Variants in NAPB observed in about 807,000 individuals in gnomAD.
NAPB encodes the protein NSF attachment protein beta.
A neutral mutation model predicts 44.7 loss-of-function variants in NAPB; 26 were observed. The ratio of observed to expected loss-of-function variants is 0.58; its 90% CI spans 0.43 to 0.81. The LOEUF is 0.81. Among genes scored for constraint, NAPB ranks in the 30% least tolerant of loss-of-function variants. NAPB has a pLI of 0.00. For missense variants in NAPB, 315 were observed against 356.4 expected, an observed-to-expected ratio of 0.88 and a Z score of 0.94; for synonymous variants, 120 against 116.8, an observed-to-expected ratio of 1.03 and a Z score of -0.18.
intron 8 of NAPB, 148 bp from the exon 9 acceptor site, chr20:23,380,083 A>T (rs1448508648): frequency 3.4e-6 from 2 of 586,900 alleles, no homozygotes; most frequent in Non-Finnish European, 5.9e-6. Flanking sequence ...CAACATAGAA[A>T]ATCTTTCTAT....
intron 1 of NAPB, among the ~76,000 whole-genome samples, chr20:23,416,136 C>G (rs891532981): frequency 1.3e-5 from 2 of 152,150 alleles, no homozygotes; most frequent in African/African-American, 2.4e-5. Context: ...CTAACGCATG[C>G]CTCAGGCTGG....
At chr20:23,377,844 A>G (rs1313110420) in intron 10 of NAPB, among the ~76,000 whole-genome samples, 1 of 152,238 alleles carries the variant, frequency 6.6e-6, no homozygotes, top group African/African-American at 2.4e-5. Context: ...GGAAAACATT[A>G]ATTACAGAGT....
In NAPB at chr20:23,403,448, C is replaced by G. The variant is rs566397673; in HGVS notation, c.99-376G>C. Among the ~76,000 whole-genome samples, 7 of 152,178 alleles carry G rather than the reference C, an allele frequency of 4.6e-5. No individual in the cohort carries two copies. In the East Asian group the frequency reaches 1.4e-3, roughly 29 times the overall value. On this transcript the variant is annotated intron_variant, in intron 1 of 10. Transcript: ENST00000377026. ...TGAAACCCCATCCCTACTGAAAATACAAAAATTAGCTGGGTGTGGTGGCAT... is the reference window on the plus strand; with the variant it reads ...TGAAACCCCATCCCTACTGAAAATAGAAAAATTAGCTGGGTGTGGTGGCAT...
In NAPB at chr20:23,403,124, C is replaced by G. The variant is rs116121553; in HGVS notation, c.99-52G>C. ...TTAACAACCATCCACATCTCTAATT[C>G]TCCCTCCCTCAAATGATTAACATTT... On this transcript the variant is annotated intron_variant, in intron 1 of 10. Coordinates refer to ENST00000377026, the MANE Select transcript of NAPB (RefSeq NM_022080.3). 2.3e-6 allele frequency: 3 copies of G among 1,282,748 alleles called. No individual in the cohort carries two copies. In the East Asian group the frequency reaches 7.0e-5, roughly 30 times the overall value. 79.5% of individuals were successfully genotyped at this position (1,282,748 alleles called of 1,614,324 possible).
intron 7 of NAPB, among the ~76,000 whole-genome samples, chr20:23,385,386 C>T (rs988019768): frequency 6.6e-6 from 1 of 152,114 alleles, no homozygotes; most frequent in African/African-American, 2.4e-5. Context: ...AAGACTGACA[C>T]AATGAAAGAA....
intron 5 of NAPB, among the ~76,000 whole-genome samples, chr20:23,392,146 G>GCC (rs1984006341): frequency 6.6e-6 from 1 of 152,030 alleles, no homozygotes; most frequent in East Asian, 1.9e-4. Flanking sequence ...ATGGTGAGCG[G>GCC]AACAGTCATG....
At chr20:23,394,383 GT>G (rs1568610687) in intron 5 of NAPB, among the ~76,000 whole-genome samples, 2 of 152,336 alleles carry the variant, frequency 1.3e-5, no homozygotes, top group African/African-American at 4.8e-5. Flanking sequence ...GAAGCCTGTA[GT>G]TTAGCGGGGA....
At chr20:23,401,920 A>G (rs968517203) in intron 2 of NAPB, among the ~76,000 whole-genome samples, 5 of 152,194 alleles carry the variant, frequency 3.3e-5, no homozygotes, top group African/African-American at 1.2e-4. Flanking sequence ...AAGTAAATAA[A>G]TAAGTAAGTA....
chr20:23,391,081 G>A (rs752535429), intron 5 of NAPB, among the ~76,000 whole-genome samples: 2 of 152,176 alleles, frequency 1.3e-5, no homozygotes, highest in Non-Finnish European at 2.9e-5. Context: ...TTTGGAGGCC[G>A]AGGAGGGTGG....
chr20:23,384,226 T>C (rs1310366482), intron 7 of NAPB, among the ~76,000 whole-genome samples: 1 of 152,158 alleles, frequency 6.6e-6, no homozygotes, highest in Non-Finnish European at 1.5e-5. Flanking sequence ...CTGGAACTAA[T>C]CCCCTGTAGA....
intron 1 of NAPB, among the ~76,000 whole-genome samples, chr20:23,417,478 A>C (rs556005559): frequency 6.6e-6 from 1 of 152,300 alleles, no homozygotes; most frequent in African/African-American, 2.4e-5. Context: ...ATAGTATTAT[A>C]AGAGGCTTTT....
rs1036357602 is a variant in NAPB, at chr20:23,402,209, C to T, written c.178+784G>A. On this transcript the variant is annotated intron_variant, in intron 2 of 10. Coordinates refer to ENST00000377026, the MANE Select transcript of NAPB (RefSeq NM_022080.3). The stretch of plus-strand genomic sequence containing the variant: ...CTGCCTTGAAACAGCTTGTAGAGGG[C>T]GAGTCCCACTTCCAATCCCACAGCA... Among the ~76,000 whole-genome samples, 5 of 152,188 alleles carry T rather than the reference C, an allele frequency of 3.3e-5. No individual in the cohort carries two copies. In the East Asian group the frequency reaches 7.7e-4, roughly 24 times the overall value.
Position 23,397,157 on chromosome 20 carries a change from C to T in NAPB, c.210G>A (p.Lys70=), listed in dbSNP as rs1279267121. ...AAGNAFCQAA[K]LHMQLQSKHD... ...GTTTGCTCTGAAGCTGCATGTGGAG[C>T]TTGGCTGCCTGACAAAATGCGTTTC... The change falls in exon 3 of 11, where the codon AAG becomes AAA. Residue 70 remains lysine, a synonymous_variant. Transcript: ENST00000377026. The T allele has an allele frequency of 3.1e-6, 5 of 1,612,812 alleles. No individual in the cohort carries two copies. Among genetic ancestry groups the T allele is most frequent in the Middle Eastern group, 1.7e-4 (1 of 6,044 alleles).
intron 1 of NAPB, among the ~76,000 whole-genome samples, chr20:23,406,601 C>G (rs995560275): frequency 6.6e-6 from 1 of 151,846 alleles, no homozygotes; most frequent in Non-Finnish European, 1.5e-5. Context: ...TTCTCTCACA[C>G]CTTCATGTCC....
chr20:23,391,441 G>T (rs1214120547), intron 5 of NAPB, among the ~76,000 whole-genome samples: 1 of 152,222 alleles, frequency 6.6e-6, no homozygotes, highest in East Asian at 1.9e-4. Flanking sequence ...ACTCTGCAAA[G>T]AATCAGCTGG....
At chr20:23,392,518 T>C (rs1467524672) in intron 5 of NAPB, among the ~76,000 whole-genome samples, 1 of 151,868 alleles carries the variant, frequency 6.6e-6, no homozygotes, top group East Asian at 1.9e-4. Flanking sequence ...ATTAAAAAAT[T>C]AGCCGGGCAT....
intron 1 of NAPB, among the ~76,000 whole-genome samples, chr20:23,410,590 G>T (rs1985584111): frequency 6.6e-6 from 1 of 152,150 alleles, no homozygotes; most frequent in Admixed American, 6.5e-5. Flanking sequence ...ACTATGCTCA[G>T]TATCTGGGTG....
chr20:23,386,059 C>T (rs779160267), intron 7 of NAPB, among the ~76,000 whole-genome samples: 7 of 151,990 alleles, frequency 4.6e-5, no homozygotes, highest in Non-Finnish European at 1.0e-4. Context: ...TTAAATAAAA[C>T]ACTACTAAAT....
At chr20:23,400,238 T>C (rs1272088681) in intron 2 of NAPB, among the ~76,000 whole-genome samples, 4 of 152,196 alleles carry the variant, frequency 2.6e-5, no homozygotes, top group African/African-American at 7.2e-5. Flanking sequence ...CTTGGAAGTG[T>C]TGGGCCGGGC....
Sources: gnomAD v4.1 joint callset for allele counts (sites outside exome capture counted in the v4.1 genomes callset) on GRCh38, gnomAD v4.1.1 for gene constraint, MANE v1.5 for transcripts, NCBI Gene and HGNC (gene_info 2026-07-23, HGNC 2026-07-21) for gene names.